The following IMPA2 variants were observed in gnomAD, a reference collection of about 807,000 sequenced individuals.
IMPA2 encodes inositol monophosphatase 2, also known as IMP 2.
IMPA2 carries 32 observed loss-of-function variants against 35.1 expected under a neutral mutation model. That is an observed-to-expected ratio of 0.91 (90% CI 0.69 to 1.23). The LOEUF (loss-of-function observed/expected upper bound fraction) is 1.23, where lower values mean the gene tolerates loss of function less well. Ranked by LOEUF, IMPA2 falls within the 50% of genes most tolerant of loss-of-function variation. The pLI, the probability that IMPA2 is intolerant of heterozygous loss-of-function variation, is 0.00. For missense variants in IMPA2, 334 were observed against 387.6 expected (o/e 0.86, Z 1.16); for synonymous variants, 135 against 160.6 (o/e 0.84, Z 1.20).
intron 5 of IMPA2, among the ~76,000 whole-genome samples, chr18:12,025,772 G>C (rs1394293496): frequency 6.6e-6 from 1 of 152,078 alleles, no homozygotes; most frequent in South Asian, 2.1e-4. Context: ...TAGAGACGGG[G>C]TTTCACCATG....
At position 12,019,420 on chromosome 18, in the gene IMPA2, AT is replaced by A. The variant is rs1023606644; in HGVS notation, c.490+5066del. 8.8e-3 allele frequency among the ~76,000 whole-genome samples: 1,167 copies of A among 133,072 alleles called. 6 individuals are homozygous for A. Among genetic ancestry groups the A allele is most frequent in the African/African-American group, 0.022 (788 of 35,458 alleles). The allele number at this position is 133,072 out of a possible 152,430, so 87.3% of individuals were successfully genotyped here. A position where few individuals can be genotyped will look rare whatever the true frequency, so the allele number is the denominator to read the frequency against. On this transcript the variant is annotated intron_variant, in intron 5 of 7. Transcript: ENST00000269159. ...TAGGCACGCACCCCATGTCCGGCTA[AT>A]TTTTTTTTTTTTTTTTTTGTATTTT...
intron 2 of IMPA2, among the ~76,000 whole-genome samples, chr18:11,999,660 G>A (rs1460545875): frequency 2.0e-5 from 3 of 152,268 alleles, no homozygotes; most frequent in African/African-American, 7.2e-5. Flanking sequence ...CTAGTGCTTA[G>A]TGATGCACGC....
rs1166279753 is a variant in IMPA2 at position 12,030,815 on chromosome 18, A to G, written c.*357A>G. On this transcript the variant is annotated 3_prime_UTR_variant, in exon 8 of 8. Transcript: ENST00000269159. Reference sequence around the variant, plus strand: ...AATAAGGCTTTAGAACTGCTGATAAAGCGGATCGTTCTCAGGCCCTCCCCC... The same window carrying G: ...AATAAGGCTTTAGAACTGCTGATAAGGCGGATCGTTCTCAGGCCCTCCCCC... 4.4e-6 allele frequency: 1 copy of G among 228,728 alleles called. No homozygotes were observed. Among genetic ancestry groups the G allele is most frequent in the African/African-American group, 2.3e-5 (1 of 43,390 alleles). 14.2% of individuals were successfully genotyped at this position (228,728 alleles called of 1,614,324 possible). A position where few individuals can be genotyped will look rare whatever the true frequency, so the allele number is the denominator to read the frequency against.
At chr18:11,992,615 C>T (rs1261847486) in intron 1 of IMPA2, among the ~76,000 whole-genome samples, 1 of 148,786 alleles carries the variant, frequency 6.7e-6, no homozygotes, top group African/African-American at 2.6e-5. Flanking sequence ...TATACATTAA[C>T]AGAATGCTAC....
chr18:12,007,186 G>A (rs1313993924), intron 2 of IMPA2, among the ~76,000 whole-genome samples: 3 of 152,126 alleles, frequency 2.0e-5, no homozygotes, highest in Non-Finnish European at 4.4e-5. Context: ...TCAGCATCTC[G>A]GTGGGAGGAC....
chr18:11,991,360 C>T lies in IMPA2; in HGVS notation c.97-7694C>T, dbSNP rs1906807873. 6.6e-6 allele frequency among the ~76,000 whole-genome samples: 1 copy of T among 152,154 alleles called. No individual in the cohort carries two copies. The highest frequency in any genetic ancestry group is 1.5e-5 in the Non-Finnish European group (1 of 68,030). On this transcript the variant is annotated intron_variant, in intron 1 of 7. Transcript: ENST00000269159. The surrounding 1 kb of genome is among the most constrained non-coding windows in gnomAD (Gnocchi z 4.1). ...GATTCGAGAGCCTGAGGTGGGCTGG[C>T]CTGGGAGCCACGTCTGCTTGGACCA...
intron 5 of IMPA2, among the ~76,000 whole-genome samples, chr18:12,021,303 G>A (rs1196455555): frequency 1.3e-5 from 2 of 152,126 alleles, no homozygotes; most frequent in East Asian, 3.9e-4. Flanking sequence ...TGACATGGGA[G>A]TTCAAGGTAA....
At chr18:12,004,651 A>G (rs972856856) in intron 2 of IMPA2, among the ~76,000 whole-genome samples, 1 of 151,652 alleles carries the variant, frequency 6.6e-6, no homozygotes, top group African/African-American at 2.4e-5. Flanking sequence ...CTGCCTTCCA[A>G]GTATCTGGGA....
chr18:12,017,226 A>G (rs933133479), intron 5 of IMPA2, among the ~76,000 whole-genome samples: 1 of 152,206 alleles, frequency 6.6e-6, no homozygotes, highest in Non-Finnish European at 1.5e-5. Context: ...AAGCAAAATG[A>G]TGCCCCATGA....
chr18:12,001,903 G>T (rs1216778225), intron 2 of IMPA2, among the ~76,000 whole-genome samples: 1 of 152,212 alleles, frequency 6.6e-6, no homozygotes, highest in Non-Finnish European at 1.5e-5. Flanking sequence ...GACTGTGGCT[G>T]CACCACGGAC....
chr18:11,999,272 T>C, intron 2 of IMPA2, 85 bp downstream of exon 2: 2 of 1,352,722 alleles, frequency 1.5e-6, no homozygotes, highest in Non-Finnish European at 2.0e-6. Context: ...CAGGGGGCTC[T>C]GCTGTTTGTT....
At chr18:11,987,344 T>G (rs1174686040) in intron 1 of IMPA2, among the ~76,000 whole-genome samples, 1 of 152,220 alleles carries the variant, frequency 6.6e-6, no homozygotes, top group East Asian at 1.9e-4. Context: ...TTATTTTTAT[T>G]TTTTGAGACG....
In IMPA2 at chr18:12,030,575, C is replaced by T. The variant is rs948056721; in HGVS notation, c.*117C>T. The T allele has an allele frequency of 7.0e-6, 5 of 718,054 alleles. No homozygotes were observed. The highest frequency in any genetic ancestry group is 2.5e-5 in the Admixed American group (1 of 40,610). 44.5% of individuals were successfully genotyped at this position (718,054 alleles called of 1,614,324 possible). The stretch of plus-strand genomic sequence containing the variant: ...GGCTCACGCTCTGCTCCTGGCTACC[C>T]CAGAGGGAGTTGTCACGCTACAGTG... On this transcript the variant is annotated 3_prime_UTR_variant, in exon 8 of 8. Transcript: ENST00000269159.
rs1266652105 is a variant in IMPA2 at position 11,991,612 on chromosome 18, T to C, written c.97-7442T>C. Among the ~76,000 whole-genome samples, 1 of 152,128 alleles carries C rather than the reference T, an allele frequency of 6.6e-6. No homozygotes were observed. Among genetic ancestry groups the C allele is most frequent in the Non-Finnish European group, 1.5e-5 (1 of 68,026 alleles). ...CCAGTCTGCAGGGTGGGCTGGCAGC[T>C]GGAGACGCGGAGAGACAGCTGATGT... On this transcript the variant is annotated intron_variant, in intron 1 of 7. Transcript: ENST00000269159. The surrounding 1 kb of genome is among the most constrained non-coding windows in gnomAD (Gnocchi z 4.1).
chr18:12,007,669 T>G lies in IMPA2; in HGVS notation c.231-2214T>G, dbSNP rs1318149752. Reference sequence around the variant, plus strand: ...TTTCTTTCTTTCTTTCTTTCTTTCTTTCTTTCTTTCCTTTCTTTCCTTTCT... The same window carrying G: ...TTTCTTTCTTTCTTTCTTTCTTTCTGTCTTTCTTTCCTTTCTTTCCTTTCT... On this transcript the variant is annotated intron_variant, in intron 2 of 7. Transcript: ENST00000269159. Among the ~76,000 whole-genome samples, 3 of 120,644 alleles carry G rather than the reference T, an allele frequency of 2.5e-5. No individual in the cohort carries two copies. In the Admixed American group the frequency reaches 2.6e-4, roughly 10 times the overall value. 79.1% of individuals were successfully genotyped at this position (120,644 alleles called of 152,430 possible).
At chr18:12,004,835 A>G (rs969937268) in intron 2 of IMPA2, among the ~76,000 whole-genome samples, 1 of 152,038 alleles carries the variant, frequency 6.6e-6, no homozygotes, top group East Asian at 1.9e-4. Flanking sequence ...TATATTGTGG[A>G]TTCTATGTAG....
chr18:11,981,923 T>C (rs560740265), intron 1 of IMPA2, among the ~76,000 whole-genome samples, 158 bp downstream of exon 1: 2 of 152,062 alleles, frequency 1.3e-5, no homozygotes, highest in East Asian at 3.9e-4. Context: ...GCCTTTGTGC[T>C]GGTGTCCTGG....
intron 5 of IMPA2, chr18:12,021,700 A>G (rs1907735699): frequency 6.6e-6 from 1 of 152,180 alleles, no homozygotes; most frequent in African/African-American, 2.4e-5. Flanking sequence ...TATGTTTGGT[A>G]GAGATGGGGC....
At chr18:12,002,160 A>T (rs115396097) in intron 2 of IMPA2, among the ~76,000 whole-genome samples, 1,914 of 152,340 alleles carry the variant, frequency 0.013, 35 homozygotes, top group African/African-American at 0.044. Context: ...TGATGAGAGA[A>T]AATTGTATAC....
Sources: gnomAD v4.1 joint callset for allele counts (sites outside exome capture counted in the v4.1 genomes callset) on GRCh38, gnomAD v4.1.1 for gene constraint, Gnocchi (gnomAD v3.1) non-coding constraint, MANE v1.5 for transcripts, NCBI Gene and HGNC (gene_info 2026-07-23, HGNC 2026-07-21) for gene names.